KIAA1328: variants seen among roughly 807,000 people sequenced by gnomAD.
KIAA1328 encodes the protein protein hinderin.
KIAA1328 carries 52 observed loss-of-function variants against 68.1 expected under a neutral mutation model. That is an observed-to-expected ratio of 0.76 (90% CI 0.61 to 0.96). The LOEUF is 0.96. KIAA1328 is among the 40% of genes least tolerant of loss of function. The pLI is 0.00. For missense variants in KIAA1328, 641 were observed against 677.6 expected, an observed-to-expected ratio of 0.95 and a Z score of 0.60; for synonymous variants, 232 against 239.4, an observed-to-expected ratio of 0.97 and a Z score of 0.28.
chr18:36,829,432 C>G (rs758742062), intron 1 of KIAA1328: 140 of 1,321,956 alleles, frequency 1.1e-4, no homozygotes, highest in Non-Finnish European at 1.3e-4. Context: ...TCCCAGCGCT[C>G]ACTACCGGTG....
At chr18:37,091,134 A>G (rs1246055390) in intron 7 of KIAA1328, among the ~76,000 whole-genome samples, 2 of 152,182 alleles carry the variant, frequency 1.3e-5, no homozygotes, top group African/African-American at 4.8e-5. Flanking sequence ...CAAAACACAA[A>G]AGAATAGTTC....
chr18:36,963,660 G>A (rs1443585061), intron 6 of KIAA1328, among the ~76,000 whole-genome samples: 1 of 152,156 alleles, frequency 6.6e-6, no homozygotes, highest in East Asian at 1.9e-4. Context: ...CCTCAGTGAT[G>A]ACACTGACCT....
At chr18:36,929,199 T>C (rs1479655922) in intron 5 of KIAA1328, among the ~76,000 whole-genome samples, 1 of 152,204 alleles carries the variant, frequency 6.6e-6, no homozygotes, top group Non-Finnish European at 1.5e-5. Context: ...GACTAGTTTC[T>C]ATCTTGAATA....
intron 6 of KIAA1328, among the ~76,000 whole-genome samples, chr18:37,057,426 A>G (rs2055955866): frequency 7.0e-6 from 1 of 142,326 alleles, no homozygotes; most frequent in Non-Finnish European, 1.5e-5. Context: ...AAATTGCATG[A>G]ATTTTTTTTT....
In KIAA1328 at chr18:37,005,173, A is replaced by C. The variant is rs538386897; in HGVS notation, c.576+45738A>C. 1.2e-4 allele frequency among the ~76,000 whole-genome samples: 19 copies of C among 152,112 alleles called. No individual in the cohort carries two copies. The East Asian group carries it at 3.7e-3, about 29-fold the overall frequency. Reference sequence around the variant, plus strand: ...GTGATGAGTGGACCAAAATCTCACAAATCACCACTAAAGCACTTACTCATG... The same window carrying C: ...GTGATGAGTGGACCAAAATCTCACACATCACCACTAAAGCACTTACTCATG... On this transcript the variant is annotated intron_variant, in intron 6 of 9. Transcript: ENST00000280020.
chr18:36,928,701 T>C (rs181992290), intron 5 of KIAA1328, among the ~76,000 whole-genome samples: 1 of 152,316 alleles, frequency 6.6e-6, no homozygotes, highest in Non-Finnish European at 1.5e-5. Context: ...TGTGAGTGTG[T>C]GCGCACGCAT....
At chr18:36,927,750 C>T (rs2050170540) in intron 5 of KIAA1328, among the ~76,000 whole-genome samples, 1 of 150,054 alleles carries the variant, frequency 6.7e-6, no homozygotes, top group Admixed American at 6.7e-5. Flanking sequence ...AGAGTGAGAC[C>T]CTGTCTCAAA....
chr18:36,973,170 T>C (rs975904975), intron 6 of KIAA1328, among the ~76,000 whole-genome samples: 6 of 152,178 alleles, frequency 3.9e-5, no homozygotes, highest in African/African-American at 1.4e-4. Context: ...TCATGTCTTT[T>C]ATGGGGACAT....
chr18:37,154,749 T>G (rs2059117851), intron 7 of KIAA1328, among the ~76,000 whole-genome samples: 1 of 152,216 alleles, frequency 6.6e-6, no homozygotes, highest in African/African-American at 2.4e-5. Flanking sequence ...ACAGCTTATA[T>G]TCTCATGTTT....
At chr18:37,001,745 G>A (rs1407737105) in intron 6 of KIAA1328, among the ~76,000 whole-genome samples, 2 of 152,038 alleles carry the variant, frequency 1.3e-5, no homozygotes, top group Non-Finnish European at 2.9e-5. Flanking sequence ...TACAATGAAG[G>A]ACAAAAAGTA....
Position 37,094,387 on chromosome 18 carries a change from A to G in KIAA1328, c.1232+26842A>G, listed in dbSNP as rs1359696871. 2.0e-5 allele frequency among the ~76,000 whole-genome samples: 3 copies of G among 152,158 alleles called. No individual in the cohort carries two copies. In the East Asian group the frequency reaches 5.8e-4, roughly 29 times the overall value. On this transcript the variant is annotated intron_variant, in intron 7 of 9. Transcript: ENST00000280020. ...AAAAAAAAACCTGTCAGTCAAGAGT[A>G]CTATAGCCAGCAAAGTTATCCTTCA...
intron 9 of KIAA1328, among the ~76,000 whole-genome samples, chr18:37,200,383 T>G (rs1280052233): frequency 6.6e-6 from 1 of 152,228 alleles, no homozygotes; most frequent in Non-Finnish European, 1.5e-5. Context: ...TGGTATCCAG[T>G]GTATAGCATT....
chr18:36,922,422 T>G (rs1329717408), intron 5 of KIAA1328, among the ~76,000 whole-genome samples: 1 of 152,254 alleles, frequency 6.6e-6, no homozygotes, highest in African/African-American at 2.4e-5. Flanking sequence ...TATGCTGATT[T>G]TTTTCAATAA....
chr18:37,093,625 A>G (rs981408544), intron 7 of KIAA1328, among the ~76,000 whole-genome samples: 1 of 152,216 alleles, frequency 6.6e-6, no homozygotes, highest in East Asian at 1.9e-4. Flanking sequence ...GAAACAAGTT[A>G]AGAAAGCCTA....
At chr18:37,189,513 T>C (rs2059864767) in intron 9 of KIAA1328, among the ~76,000 whole-genome samples, 1 of 152,218 alleles carries the variant, frequency 6.6e-6, no homozygotes, top group Non-Finnish European at 1.5e-5. Flanking sequence ...CATTAATTTC[T>C]AAGAAATATA....
intron 6 of KIAA1328, among the ~76,000 whole-genome samples, chr18:36,965,525 C>CACGCCTGGCTAATTTT (rs1446315154): frequency 1.9e-5 from 1 of 51,422 alleles, no homozygotes; most frequent in African/African-American, 6.9e-5. Context: ...TGGTGGCCAC[C>CACGCCTGGCTAATTTT]ACGCCTGGCT....
chr18:37,079,514 AAAG>A (rs1453833901), intron 7 of KIAA1328, among the ~76,000 whole-genome samples: 2 of 151,616 alleles, frequency 1.3e-5, no homozygotes, highest in East Asian at 1.9e-4. Context: ...AAAATAAAAA[AAAG>A]AAGTGCAGCT....
chr18:37,183,477 G>T (rs139862210), intron 9 of KIAA1328, among the ~76,000 whole-genome samples: 1 of 152,264 alleles, frequency 6.6e-6, no homozygotes, highest in African/African-American at 2.4e-5. Flanking sequence ...GGAAGCCCCT[G>T]CTCTGGAGCT....
intron 8 of KIAA1328, among the ~76,000 whole-genome samples, chr18:37,167,997 A>G (rs1053784036): frequency 1.3e-5 from 2 of 152,202 alleles, no homozygotes; most frequent in Admixed American, 1.3e-4. Context: ...CGAATACAGC[A>G]TATTGAAAGG....
Sources: gnomAD v4.1 joint callset for allele counts (sites outside exome capture counted in the v4.1 genomes callset) on GRCh38, gnomAD v4.1.1 for gene constraint, MANE v1.5 for transcripts, NCBI Gene and HGNC (gene_info 2026-07-23, HGNC 2026-07-21) for gene names.